C14orf132: variants seen among roughly 807,000 people sequenced by gnomAD.
C14orf132 encodes the protein chromosome 14 open reading frame 132, also known as uncharacterized protein C14orf132.
In C14orf132, 6 loss-of-function variants were observed where a neutral mutation model predicts 5.8. That is an observed-to-expected ratio of 1.03 (90% confidence interval 0.57 to 2.04). C14orf132 has a LOEUF of 2.04. C14orf132 is among the 30% of genes most tolerant of loss of function. C14orf132 has a pLI of 0.00. For synonymous variants in C14orf132, 51 were observed against 49.8 expected (o/e 1.02, Z -0.10); for missense variants, 125 against 115.8 (o/e 1.08, Z -0.37).
chr14:96,043,274 T>G (rs932221529), intron 1 of C14orf132, among the ~76,000 whole-genome samples: 4 of 151,974 alleles, frequency 2.6e-5, no homozygotes, highest in African/African-American at 7.3e-5. Flanking sequence ...GCCCACATCA[T>G]CCAAGAAGTG....
chr14:96,075,051 T>C (rs1887824548), intron 1 of C14orf132, among the ~76,000 whole-genome samples: 1 of 152,214 alleles, frequency 6.6e-6, no homozygotes, highest in Non-Finnish European at 1.5e-5. Context: ...TTCATGACCA[T>C]AGTATTTCTC....
Position 96,091,913 on chromosome 14 carries a change from C to G in C14orf132, c.*5178C>G, listed in dbSNP as rs568924349. 6 of 152,216 alleles carry G rather than the reference C, an allele frequency of 3.9e-5. No individual in the cohort carries two copies. The highest frequency in any genetic ancestry group is 1.4e-4 in the African/African-American group (6 of 41,440). 9.4% of individuals were successfully genotyped at this position (152,216 alleles called of 1,614,324 possible). A position where few individuals can be genotyped will look rare whatever the true frequency, so the allele number is the denominator to read the frequency against. ...TCACAGCACCTTCTCATTCCCAGCG[C>G]GTCCTTCTGAGCTCAGACCTTGAGC... is the stretch of plus-strand genomic sequence containing the variant. On this transcript the variant is annotated 3_prime_UTR_variant, in exon 2 of 2. Transcript: ENST00000555004.
chr14:96,087,475 T>C lies in C14orf132; in HGVS notation c.*740T>C, dbSNP rs1354356979. 6.6e-6 allele frequency: 1 copy of C among 152,140 alleles called. No individual in the cohort carries two copies. The highest frequency in any genetic ancestry group is 1.5e-5 in the Non-Finnish European group (1 of 68,020). 9.4% of individuals were successfully genotyped at this position (152,140 alleles called of 1,614,324 possible). On this transcript the variant is annotated 3_prime_UTR_variant, in exon 2 of 2. Coordinates refer to ENST00000555004, the MANE Select transcript of C14orf132 (RefSeq NM_001252507.3). ...ACTCTTCAGGCCACCCACGTGAGAA[T>C]GCTGTTTCTTCTCTGAGGAATCGTG... is the stretch of plus-strand genomic sequence containing the variant.
rs961622765 is a variant in C14orf132, at chr14:96,092,985, G to T, written c.*6250G>T. ...CCAGCCCCAAAATGCCAATAGTGCCGAGGTCAGGGGACCCTGTGCTGGCCA... is the reference window on the plus strand; with the variant it reads ...CCAGCCCCAAAATGCCAATAGTGCCTAGGTCAGGGGACCCTGTGCTGGCCA... On this transcript the variant is annotated 3_prime_UTR_variant, in exon 2 of 2. Coordinates refer to ENST00000555004, the MANE Select transcript of C14orf132 (RefSeq NM_001252507.3). 3 of 152,236 alleles carry T rather than the reference G, an allele frequency of 2.0e-5. No individual in the cohort carries two copies. The highest frequency in any genetic ancestry group is 7.2e-5 in the African/African-American group (3 of 41,440). 9.4% of individuals were successfully genotyped at this position (152,236 alleles called of 1,614,324 possible).
chr14:96,092,612 G>C lies in C14orf132; in HGVS notation c.*5877G>C, dbSNP rs12100880. The C allele has an allele frequency of 2.0e-5, 3 of 151,398 alleles. No individual in the cohort carries two copies. Among genetic ancestry groups the C allele is most frequent in the Non-Finnish European group, 4.4e-5 (3 of 67,756 alleles). The allele number at this position is 151,398 out of a possible 1,614,324, so 9.4% of individuals were successfully genotyped here. ...GAAGCGTTGTCCCAACAATGCAGAT[G>C]GTTCTGACAAGGGCTCTATATGCTG... On this transcript the variant is annotated 3_prime_UTR_variant, in exon 2 of 2. Coordinates refer to ENST00000555004, the MANE Select transcript of C14orf132 (RefSeq NM_001252507.3).
chr14:96,064,269 T>G (rs1341176078), intron 1 of C14orf132, among the ~76,000 whole-genome samples: 1 of 151,760 alleles, frequency 6.6e-6, no homozygotes, highest in African/African-American at 2.4e-5. Context: ...TGCACAGGCA[T>G]GTTTATAGCA....
intron 1 of C14orf132, among the ~76,000 whole-genome samples, chr14:96,065,499 C>T (rs1887505013): frequency 6.6e-6 from 1 of 152,142 alleles, no homozygotes; most frequent in African/African-American, 2.4e-5. Flanking sequence ...CGTGTGCTCG[C>T]TGATGGAGAA....
Position 96,039,513 on chromosome 14 carries a change from T to C in C14orf132, c.13T>C (p.Phe5Leu). The stretch of plus-strand genomic sequence containing the variant: ...CTGCAGCGACACCATGGATCTCTCC[T>C]TTATGGCCGCGCAGGTAACGGGGCG... Reference protein sequence around the residue: MDLSFMAAQLPMMGG... With the variant: MDLSLMAAQLPMMGG... Residue 5 changes from phenylalanine to leucine, a missense_variant, in exon 1 of 2, where the codon TTT becomes CTT. Phe to Leu is a conservative substitution (Grantham distance 22). Transcript: ENST00000555004. The surrounding 1 kb of genome is among the most constrained non-coding windows in gnomAD (Gnocchi z 5.3). 1 of 1,502,952 alleles carries C rather than the reference T, an allele frequency of 6.7e-7. No homozygotes were observed. The highest frequency in any genetic ancestry group is 1.2e-5 in the South Asian group (1 of 80,562). The allele number at this position is 1,502,952 out of a possible 1,614,324, so 93.1% of individuals were successfully genotyped here.
intron 1 of C14orf132, among the ~76,000 whole-genome samples, chr14:96,054,196 G>A (rs1255876296): frequency 1.3e-5 from 2 of 152,116 alleles, no homozygotes; most frequent in African/African-American, 2.4e-5. Context: ...CACCCGTTGT[G>A]TCTGTATCTT....
chr14:96,064,847 A>G (rs999612157), intron 1 of C14orf132, among the ~76,000 whole-genome samples: 2 of 152,116 alleles, frequency 1.3e-5, no homozygotes, highest in Non-Finnish European at 2.9e-5. Context: ...ATTAAAAAAT[A>G]AAAAAGTCAC....
chr14:96,042,826 C>T (rs912357864), intron 1 of C14orf132, among the ~76,000 whole-genome samples: 2 of 152,198 alleles, frequency 1.3e-5, no homozygotes, highest in Non-Finnish European at 2.9e-5. Flanking sequence ...GGAAACACCC[C>T]AGCCCCACTC....
At chr14:96,041,626 G>A (rs1220841984) in intron 1 of C14orf132, among the ~76,000 whole-genome samples, 1 of 152,224 alleles carries the variant, frequency 6.6e-6, no homozygotes, top group African/African-American at 2.4e-5. Flanking sequence ...ACTTCGCAGT[G>A]CTTGGCTGGA....
intron 1 of C14orf132, among the ~76,000 whole-genome samples, chr14:96,071,774 A>C (rs187297296): frequency 3.9e-5 from 6 of 152,324 alleles, no homozygotes; most frequent in Admixed American, 6.5e-5. Context: ...GACCAGCCCC[A>C]GGGGGAGTGT....
At chr14:96,079,357 C>T (rs776838642) in intron 1 of C14orf132, among the ~76,000 whole-genome samples, 3 of 152,212 alleles carry the variant, frequency 2.0e-5, no homozygotes, top group Non-Finnish European at 4.4e-5. Flanking sequence ...CCTGATTCTG[C>T]AGCTCTTATA....
intron 1 of C14orf132, among the ~76,000 whole-genome samples, chr14:96,077,626 G>A (rs897552616): frequency 3.9e-5 from 6 of 152,198 alleles, no homozygotes; most frequent in African/African-American, 1.4e-4. Flanking sequence ...AGGACTGTGA[G>A]GATGTAAATC....
chr14:96,043,067 A>G (rs1026712237), intron 1 of C14orf132, among the ~76,000 whole-genome samples: 2 of 152,164 alleles, frequency 1.3e-5, no homozygotes, highest in African/African-American at 4.8e-5. Context: ...TCCCTCCTGG[A>G]CATGCTTGCT....
chr14:96,066,932 T>C (rs760297532), intron 1 of C14orf132, among the ~76,000 whole-genome samples: 7 of 151,932 alleles, frequency 4.6e-5, no homozygotes, highest in Non-Finnish European at 8.8e-5. Flanking sequence ...GGGTTAGGAG[T>C]TGGTAGATCT....
At chr14:96,074,257 A>C (rs1239012063) in intron 1 of C14orf132, among the ~76,000 whole-genome samples, 1 of 152,162 alleles carries the variant, frequency 6.6e-6, no homozygotes, top group African/African-American at 2.4e-5. Flanking sequence ...TATATATTCT[A>C]CTTATAAGTT....
intron 1 of C14orf132, among the ~76,000 whole-genome samples, chr14:96,059,342 G>A (rs1887276728): frequency 6.6e-6 from 1 of 152,188 alleles, no homozygotes; most frequent in South Asian, 2.1e-4. Flanking sequence ...ACTGGATGTG[G>A]TAATTTGTGC....
Sources: allele counts gnomAD v4.1 joint callset (sites outside exome capture counted in the v4.1 genomes callset), GRCh38; gene constraint gnomAD v4.1.1; non-coding constraint Gnocchi (gnomAD v3.1); transcripts MANE v1.5; gene names NCBI Gene and HGNC (gene_info 2026-07-23, HGNC 2026-07-21).